Variants in SVBP observed in about 807,000 individuals in gnomAD.
The protein encoded by SVBP is small vasohibin binding protein.
A neutral mutation model predicts 9.2 loss-of-function variants in SVBP; 9 were observed. The ratio of observed to expected loss-of-function variants is 0.98; its 90% CI spans 0.59 to 1.71. The LOEUF is 1.71. Among genes scored for constraint, SVBP ranks in the 40% most tolerant of loss-of-function variants. The pLI is 0.00. For synonymous variants in SVBP, 27 were observed against 23.9 expected, an observed-to-expected ratio of 1.13 and a Z score of -0.37; for missense variants, 63 against 73.2, an observed-to-expected ratio of 0.86 and a Z score of 0.51.
At chr1:42,813,315 A>T (rs1654120073) in intron 2 of SVBP, 1 of 309,278 alleles carries the variant, frequency 3.2e-6, no homozygotes, top group African/African-American at 2.2e-5. Context: ...CATTAATTAT[A>T]GAAATTCTCG....
intron 2 of SVBP, among the ~76,000 whole-genome samples, chr1:42,808,114 C>A (rs1653998146): frequency 7.7e-6 from 1 of 130,254 alleles, no homozygotes. Context: ...GATAAGTGTG[C>A]AGGGGAGCAA....
chr1:42,816,530 T>C lies in SVBP; in HGVS notation c.15A>G (p.Ala5=). 1.2e-6 allele frequency: 2 copies of C among 1,613,494 alleles called. No homozygotes were observed. Among genetic ancestry groups the C allele is most frequent in the Non-Finnish European group, 1.7e-6 (2 of 1,179,418 alleles). ...CTTTAACTTTGGTTTTTTCTTTACG[T>C]GCAGGTGGATCCATGGCTTGACTTC... MDPP[A]RKEKTKVKES... is the part of the protein sequence containing the mutation. The change falls in exon 2 of 3, where the codon GCA becomes GCG. Residue 5 remains alanine, a synonymous_variant. Transcript: ENST00000372521.
At chr1:42,816,998 G>A (rs1013264714) in intron 1 of SVBP, 192 bp downstream of exon 1, 1 of 260,822 alleles carries the variant, frequency 3.8e-6, no homozygotes, top group Non-Finnish European at 6.0e-6. Flanking sequence ...TAACTCCGCC[G>A]CAGCAGCCGC....
At position 42,807,157 on chromosome 1, in the gene SVBP, T is replaced by TG. The variant is rs980849680; in HGVS notation, c.*256_*257insC. On this transcript the variant is annotated 3_prime_UTR_variant, in exon 3 of 3. Coordinates refer to ENST00000372521, the MANE Select transcript of SVBP (RefSeq NM_199342.4). The stretch of plus-strand genomic sequence containing the variant: ...GAAAAAGTGTTTTTTGTGTGTGTTT[T>TG]TTTTTTTTTTTTAAAAAAACCCAAA... The TG allele has an allele frequency of 3.5e-6, 1 of 285,778 alleles. No individual in the cohort carries two copies. Among genetic ancestry groups the TG allele is most frequent in the African/African-American group, 2.2e-5 (1 of 44,994 alleles). 17.7% of individuals were successfully genotyped at this position (285,778 alleles called of 1,614,324 possible).
Position 42,807,435 on chromosome 1 carries a change from C to G in SVBP, c.180G>C (p.Gln60His). The change falls in exon 3 of 3, where the codon CAG (glutamine) becomes CAC (histidine). Residue 60 changes from glutamine to histidine, a missense_variant. Physicochemically the swap from Gln to His is conservative, Grantham distance 24. Transcript: ENST00000372521. ...GGCCTCATTCTCCAGGAGGCTGCAT[C>G]TGTTTACAGAACTCATCAAACTGCT... Reference protein sequence around the residue: ...EQQQFDEFCKQMQPPGE With the variant: ...EQQQFDEFCKHMQPPGE 1.2e-6 allele frequency: 2 copies of G among 1,613,882 alleles called. No individual in the cohort carries two copies. The highest frequency in any genetic ancestry group is 1.7e-6 in the Non-Finnish European group (2 of 1,179,804).
At position 42,807,518 on chromosome 1, in the gene SVBP, A is replaced by T; in HGVS notation, c.115-18T>A. On this transcript the variant is annotated intron_variant, in intron 2 of 2. Coordinates refer to ENST00000372521, the MANE Select transcript of SVBP (RefSeq NM_199342.4). Reference sequence around the variant, plus strand: ...GCATAGATCTGAATGAGAGAAAGAGATACATCTGTTAGCAATGGAAGCAGC... The same window carrying T: ...GCATAGATCTGAATGAGAGAAAGAGTTACATCTGTTAGCAATGGAAGCAGC... 6.3e-7 allele frequency: 1 copy of T among 1,592,028 alleles called. No individual in the cohort carries two copies. Among genetic ancestry groups the T allele is most frequent in the Non-Finnish European group, 8.6e-7 (1 of 1,160,280 alleles).
At chr1:42,808,475 A>G (rs1227616285) in intron 2 of SVBP, among the ~76,000 whole-genome samples, 1 of 145,772 alleles carries the variant, frequency 6.9e-6, no homozygotes, top group Admixed American at 7.0e-5. Flanking sequence ...CTAATAGTGT[A>G]TATATACTAT....
chr1:42,810,034 C>T (rs1432854781), intron 2 of SVBP, among the ~76,000 whole-genome samples: 8 of 151,860 alleles, frequency 5.3e-5, no homozygotes, highest in South Asian at 2.1e-4. Flanking sequence ...TTACTGGTCA[C>T]GTTCTATAGT....
intron 2 of SVBP, among the ~76,000 whole-genome samples, chr1:42,811,410 G>C (rs1043063057): frequency 6.6e-6 from 1 of 152,202 alleles, no homozygotes; most frequent in African/African-American, 2.4e-5. Flanking sequence ...GACTACATGT[G>C]GCTATGCATG....
chr1:42,813,616 G>A (rs1187110853), intron 2 of SVBP: 1 of 529,738 alleles, frequency 1.9e-6, no homozygotes, highest in Non-Finnish European at 3.8e-6. Flanking sequence ...CTTTTGATTG[G>A]TGTGAGGTAA....
chr1:42,810,101 CACACACACACACACATACATACAT>C lies in SVBP; in HGVS notation c.115-2625_115-2602del, dbSNP rs1304543960. ...ATTATATAAATATACTTTTAACACA[CACACACACACACACATACATACAT>C]ACACACACACACACACACACACACA... On this transcript the variant is annotated intron_variant, in intron 2 of 2. Transcript: ENST00000372521. Among the ~76,000 whole-genome samples, 162 of 141,250 alleles carry C rather than the reference CACACACACACACACATACATACAT, an allele frequency of 1.1e-3. 1 individual carries two copies. The highest frequency in any genetic ancestry group is 4.5e-3 in the African/African-American group (153 of 33,892). The allele number at this position is 141,250 out of a possible 152,430, so 92.7% of individuals were successfully genotyped here.
intron 2 of SVBP, among the ~76,000 whole-genome samples, chr1:42,815,942 TCTGTATGTGG>T (rs1654193503): frequency 6.6e-6 from 1 of 152,204 alleles, no homozygotes; most frequent in South Asian, 2.1e-4. Flanking sequence ...AATACTTATG[TCTGTATGTGG>T]CTCAATATTG....
intron 2 of SVBP, among the ~76,000 whole-genome samples, chr1:42,814,287 A>G (rs550505083): frequency 2.0e-5 from 3 of 151,820 alleles, no homozygotes; most frequent in Non-Finnish European, 4.4e-5. Flanking sequence ...CATGTTGGCC[A>G]GGATGGTCTC....
intron 2 of SVBP, among the ~76,000 whole-genome samples, chr1:42,812,338 A>G (rs569000661): frequency 4.6e-5 from 7 of 152,366 alleles, no homozygotes; most frequent in Non-Finnish European, 8.8e-5. Flanking sequence ...CAGAGCGAGG[A>G]CTTCCATAAA....
rs149608245 is a variant in SVBP, at chr1:42,808,134, A to AGT, written c.115-636_115-635dup. ...GTGTGCAGGGGAGCAATGTGAATAT[A>AGT]GTGTGTGTGTGTGTGTATATATATA... is the stretch of plus-strand genomic sequence containing the variant. On this transcript the variant is annotated intron_variant, in intron 2 of 2. Transcript: ENST00000372521. Among the ~76,000 whole-genome samples the AGT allele has an allele frequency of 2.9e-3, 320 of 108,996 alleles. 4 individuals are homozygous for AGT. Among genetic ancestry groups the AGT allele is most frequent in the East Asian group, 8.2e-3 (20 of 2,436 alleles). 71.5% of individuals were successfully genotyped at this position (108,996 alleles called of 152,430 possible).
rs776769690 is a variant in SVBP, at chr1:42,816,555, C to A, written c.-11G>T. The A allele has an allele frequency of 1.1e-4, 170 of 1,578,842 alleles. No homozygotes were observed. Among genetic ancestry groups the A allele is most frequent in the Admixed American group, 1.5e-4 (9 of 59,886 alleles). ...TGCAGGTGGATCCATGGCTTGACTT[C>A]TGGATATTTCTTAGGAGGCTCTGAT... On this transcript the variant is annotated 5_prime_UTR_variant, in exon 2 of 3. Transcript: ENST00000372521.
rs1553147633 is a variant in SVBP, at chr1:42,807,154, T to TG, written c.*259_*260insC. The TG allele has an allele frequency of 0.11, 10,384 of 92,340 alleles. 259 individuals carry two copies. Among genetic ancestry groups the TG allele is most frequent in the African/African-American group, 0.23 (3,891 of 17,120 alleles). 5.7% of individuals were successfully genotyped at this position (92,340 alleles called of 1,614,324 possible). A position where few individuals can be genotyped will look rare whatever the true frequency, so the allele number is the denominator to read the frequency against. On this transcript the variant is annotated 3_prime_UTR_variant, in exon 3 of 3. Coordinates refer to ENST00000372521, the MANE Select transcript of SVBP (RefSeq NM_199342.4). ...ATAGAAAAAGTGTTTTTTGTGTGTG[T>TG]TTTTTTTTTTTTTTTAAAAAAACCC...
At chr1:42,814,588 C>T (rs1006698487) in intron 2 of SVBP, among the ~76,000 whole-genome samples, 5 of 131,156 alleles carry the variant, frequency 3.8e-5, no homozygotes, top group African/African-American at 1.2e-4. Context: ...TGCACTCCAG[C>T]CTGGGTGACA....
rs971027965 is a variant in SVBP, at chr1:42,816,529, G to A, written c.16C>T (p.Arg6Cys). Residue 6 changes from arginine to cysteine, a missense_variant, in exon 2 of 3, where the codon CGT (arginine) becomes TGT (cysteine). Arg to Cys is a radical substitution (Grantham distance 180). Coordinates refer to ENST00000372521, the MANE Select transcript of SVBP (RefSeq NM_199342.4). MDPPA[R>C]KEKTKVKESV... is the part of the protein sequence containing the mutation. ...TCTTTAACTTTGGTTTTTTCTTTACGTGCAGGTGGATCCATGGCTTGACTT... is the reference window on the plus strand; with the variant it reads ...TCTTTAACTTTGGTTTTTTCTTTACATGCAGGTGGATCCATGGCTTGACTT... 6.2e-7 allele frequency: 1 copy of A among 1,613,336 alleles called. No individual in the cohort carries two copies. The highest frequency in any genetic ancestry group is 8.5e-7 in the Non-Finnish European group (1 of 1,179,440).
Sources: allele counts gnomAD v4.1 joint callset (sites outside exome capture counted in the v4.1 genomes callset), GRCh38; gene constraint gnomAD v4.1.1; transcripts MANE v1.5; gene names NCBI Gene and HGNC (gene_info 2026-07-23, HGNC 2026-07-21).